The following SLIT3 variants were observed in gnomAD, a reference collection of about 807,000 sequenced individuals.
The protein encoded by SLIT3 is slit homolog 3 protein.
A neutral mutation model predicts 184.0 loss-of-function variants in SLIT3; 68 were observed. The observed-to-expected ratio is 0.37, with a 90% CI of 0.30 to 0.45. The LOEUF (loss-of-function observed/expected upper bound fraction) is 0.45. Among genes scored for constraint, SLIT3 ranks in the 20% least tolerant of loss-of-function variants. The pLI is 1.00. For synonymous variants in SLIT3, 831 were observed against 828.6 expected, an observed-to-expected ratio of 1.00 and a Z score of -0.05; for missense variants, 1,707 against 2,026.0, an observed-to-expected ratio of 0.84 and a Z score of 3.02.
chr5:169,076,521 C>G (rs1758748567), intron 4 of SLIT3, among the ~76,000 whole-genome samples: 1 of 152,226 alleles, frequency 6.6e-6, no homozygotes, highest in Non-Finnish European at 1.5e-5. Context: ...ACCTCTCTCT[C>G]TCTAGCTTGC....
rs113017936 is a variant in SLIT3 at position 169,203,691 on chromosome 5, G to A, written c.342-10141C>T. ...CTACCAGGATAACAGCCGCAGAGGT[G>A]TTAAGAAGTAGTCAAATTCTATAAA... On this transcript the variant is annotated intron_variant, in intron 3 of 35. Transcript: ENST00000519560. Among the ~76,000 whole-genome samples the A allele has an allele frequency of 7.2e-3, 1,096 of 152,286 alleles. 11 individuals are homozygous for A. Among genetic ancestry groups the A allele is most frequent in the African/African-American group, 0.025 (1,059 of 41,540 alleles).
chr5:168,743,540 T>A (rs1300127544), intron 20 of SLIT3, among the ~76,000 whole-genome samples: 1 of 152,156 alleles, frequency 6.6e-6, no homozygotes, highest in Non-Finnish European at 1.5e-5. Context: ...CCTGTCTCCC[T>A]CTCCTCGGAC....
chr5:168,821,147 G>C (rs1757517561), intron 7 of SLIT3, among the ~76,000 whole-genome samples: 1 of 152,156 alleles, frequency 6.6e-6, no homozygotes, highest in African/African-American at 2.4e-5. Context: ...TGGCAGAGAA[G>C]AATGACAACA....
chr5:169,237,922 G>A (rs1765259493), intron 3 of SLIT3, among the ~76,000 whole-genome samples: 2 of 152,104 alleles, frequency 1.3e-5, no homozygotes, highest in Non-Finnish European at 2.9e-5. Flanking sequence ...TGTAAGATTT[G>A]TATCCAGATT....
intron 4 of SLIT3, among the ~76,000 whole-genome samples, chr5:169,039,733 C>T (rs1164767943): frequency 2.6e-5 from 4 of 152,108 alleles, no homozygotes; most frequent in East Asian, 3.9e-4. Flanking sequence ...CATGATGTCC[C>T]GTGTAATCAG....
intron 1 of SLIT3, among the ~76,000 whole-genome samples, chr5:169,258,511 T>G (rs1766054607): frequency 6.6e-6 from 1 of 152,182 alleles, no homozygotes; most frequent in South Asian, 2.1e-4. Flanking sequence ...TGTTTACCCC[T>G]GTCTGGTTTT....
At chr5:168,837,760 C>T (rs1056006871) in intron 6 of SLIT3, among the ~76,000 whole-genome samples, 7 of 152,172 alleles carry the variant, frequency 4.6e-5, no homozygotes, top group Admixed American at 1.3e-4. Context: ...ATGAGCGTCC[C>T]GATTGGGAGC....
intron 4 of SLIT3, among the ~76,000 whole-genome samples, chr5:169,086,080 CT>C (rs1189200402): frequency 6.6e-6 from 1 of 152,202 alleles, no homozygotes; most frequent in Non-Finnish European, 1.5e-5. Context: ...ACGGCCTTTC[CT>C]CACAGCCCCA....
intron 4 of SLIT3, among the ~76,000 whole-genome samples, chr5:169,148,834 A>T (rs1012911644): frequency 2.6e-5 from 4 of 152,118 alleles, no homozygotes; most frequent in African/African-American, 9.7e-5. Flanking sequence ...GAAGTCATAA[A>T]CTGCTCTCCA....
chr5:168,708,291 A>G, intron 25 of SLIT3, 191 bp from the exon 26 acceptor site: 3 of 664,242 alleles, frequency 4.5e-6, no homozygotes, highest in Non-Finnish European at 7.7e-6. Flanking sequence ...GCCACTGTCC[A>G]GTGAGGAAAA....
At chr5:168,828,634 G>A (rs1244484933) in intron 6 of SLIT3, among the ~76,000 whole-genome samples, 2 of 128,718 alleles carry the variant, frequency 1.6e-5, no homozygotes, top group African/African-American at 5.9e-5. Context: ...CACTCAGCCT[G>A]GGTGACAGAG....
Position 169,191,708 on chromosome 5 carries a change from G to A in SLIT3, c.413+1771C>T, listed in dbSNP as rs147599757. ...TAACTCATAGGTTCCCCATGCCCAC[G>A]TGCCTGGCTCCCAGAATCTCAGAGA... On this transcript the variant is annotated intron_variant, in intron 4 of 35. Coordinates refer to ENST00000519560, the MANE Select transcript of SLIT3 (RefSeq NM_003062.4). Among the ~76,000 whole-genome samples, 214 of 152,094 alleles carry A rather than the reference G, an allele frequency of 1.4e-3. 1 individual carries two copies. The highest frequency in any genetic ancestry group is 4.7e-3 in the African/African-American group (194 of 41,512).
chr5:169,015,951 C>T lies in SLIT3; in HGVS notation c.414-132615G>A, dbSNP rs1561608656. On this transcript the variant is annotated intron_variant, in intron 4 of 35. Coordinates refer to ENST00000519560, the MANE Select transcript of SLIT3 (RefSeq NM_003062.4). ...ATATAAACACACACACACACACACA[C>T]ACACACACACACACACACACACACA... 3.7e-5 allele frequency among the ~76,000 whole-genome samples: 5 copies of T among 133,506 alleles called. No homozygotes were observed. In the South Asian group the frequency reaches 1.2e-3, roughly 31 times the overall value. The allele number at this position is 133,506 out of a possible 152,430, so 87.6% of individuals were successfully genotyped here.
intron 3 of SLIT3, among the ~76,000 whole-genome samples, chr5:169,200,188 G>GGCCT (rs2113485560): frequency 6.6e-6 from 1 of 152,340 alleles, no homozygotes; most frequent in African/African-American, 2.4e-5. Context: ...GGGCCACTAG[G>GGCCT]GCCTGGGCAT....
chr5:168,915,610 T>C (rs1761406880), intron 4 of SLIT3, among the ~76,000 whole-genome samples: 1 of 152,236 alleles, frequency 6.6e-6, no homozygotes, highest in Non-Finnish European at 1.5e-5. Flanking sequence ...AATTTCAACA[T>C]ATAATCTATT....
At chr5:169,265,408 G>A (rs1766359973) in intron 1 of SLIT3, among the ~76,000 whole-genome samples, 1 of 152,204 alleles carries the variant, frequency 6.6e-6, no homozygotes, top group Non-Finnish European at 1.5e-5. Flanking sequence ...GCCATCATAA[G>A]CTGGTACTAA....
At chr5:169,227,476 G>A (rs1007585661) in intron 3 of SLIT3, among the ~76,000 whole-genome samples, 1 of 152,140 alleles carries the variant, frequency 6.6e-6, no homozygotes, top group Non-Finnish European at 1.5e-5. Flanking sequence ...CACCCAGGCT[G>A]GAATACAGTG....
At chr5:169,191,531 A>G (rs1262316874) in intron 4 of SLIT3, among the ~76,000 whole-genome samples, 2 of 152,206 alleles carry the variant, frequency 1.3e-5, no homozygotes, top group Admixed American at 6.5e-5. Context: ...ACAGCACTTT[A>G]CAAAACACAA....
intron 4 of SLIT3, among the ~76,000 whole-genome samples, chr5:169,095,336 T>A (rs949868031): frequency 3.3e-5 from 5 of 152,180 alleles, no homozygotes; most frequent in Non-Finnish European, 7.4e-5. Flanking sequence ...CACTTTTACA[T>A]GTTATGGCAG....
Sources: allele counts gnomAD v4.1 joint callset (sites outside exome capture counted in the v4.1 genomes callset), GRCh38; gene constraint gnomAD v4.1.1; transcripts MANE v1.5; gene names NCBI Gene and HGNC (gene_info 2026-07-23, HGNC 2026-07-21).